The following AFF4 variants were observed in gnomAD, a reference collection of about 807,000 sequenced individuals.
The protein encoded by AFF4 is ALF transcription elongation factor 4.
A neutral mutation model predicts 124.8 loss-of-function variants in AFF4; 13 were observed. The ratio of observed to expected loss-of-function variants is 0.10; its 90% confidence interval spans 0.07 to 0.17. The LOEUF is 0.17. Ranked by LOEUF, AFF4 falls within the 10% of genes least tolerant of loss-of-function variation. The pLI is 1.00. For missense variants in AFF4, 1,092 were observed against 1,403.8 expected (o/e 0.78, Z 3.55); for synonymous variants, 477 against 496.1 (o/e 0.96, Z 0.51).
intron 6 of AFF4, 140 bp downstream of exon 6, chr5:132,904,228 G>GAAAAAA: frequency 1.9e-6 from 1 of 524,738 alleles, no homozygotes. Context: ...CTACACTCCA[G>GAAAAAA]AAAAAAAAAA....
At chr5:132,915,670 C>T (rs1760893013) in intron 5 of AFF4, among the ~76,000 whole-genome samples, 2 of 149,058 alleles carry the variant, frequency 1.3e-5, no homozygotes, top group South Asian at 4.2e-4. Flanking sequence ...CAGGTTCAAG[C>T]GATTCTCCTG....
At chr5:132,889,054 G>A (rs748049537) in intron 14 of AFF4, 25 bp downstream of exon 14, 2 of 1,577,590 alleles carry the variant, frequency 1.3e-6, no homozygotes, top group South Asian at 2.2e-5. Context: ...CTTAAATACA[G>A]ATACAAAAAA....
rs1411389335 is a variant in AFF4 at position 132,877,932 on chromosome 5, C to A, written c.*3127G>T. On this transcript the variant is annotated 3_prime_UTR_variant, in exon 21 of 21. Coordinates refer to ENST00000265343, the MANE Select transcript of AFF4 (RefSeq NM_014423.4). Reference sequence around the variant, plus strand: ...GCCTATGAATCCGCCACTGCCAGAGCTCCCAGAAACACAGGTGTCTGTGGG... The same window carrying A: ...GCCTATGAATCCGCCACTGCCAGAGATCCCAGAAACACAGGTGTCTGTGGG... 4.4e-6 allele frequency: 1 copy of A among 224,924 alleles called. No homozygotes were observed. The highest frequency in any genetic ancestry group is 8.9e-6 in the Non-Finnish European group (1 of 112,710). The allele number at this position is 224,924 out of a possible 1,614,324, so 13.9% of individuals were successfully genotyped here.
At chr5:132,892,941 G>A in intron 12 of AFF4, 89 bp downstream of exon 12, 1 of 1,238,814 alleles carries the variant, frequency 8.1e-7, no homozygotes. Flanking sequence ...TTACTAAAAG[G>A]AACACTCAGA....
chr5:132,915,209 C>T (rs1423384420), intron 5 of AFF4, among the ~76,000 whole-genome samples: 5 of 151,864 alleles, frequency 3.3e-5, no homozygotes, highest in South Asian at 2.1e-4. Flanking sequence ...GGCGTGGTGG[C>T]GCATGCCTGT....
intron 2 of AFF4, among the ~76,000 whole-genome samples, chr5:132,935,196 C>T (rs1435208297): frequency 1.3e-5 from 2 of 152,190 alleles, no homozygotes; most frequent in Non-Finnish European, 2.9e-5. Context: ...GCCTGTACTC[C>T]CAGCTACTCT....
chr5:132,938,941 CAAA>C (rs762784790), intron 1 of AFF4, among the ~76,000 whole-genome samples: 20 of 38,332 alleles, frequency 5.2e-4, no homozygotes, highest in East Asian at 2.0e-3. Flanking sequence ...AGACTCATCT[CAAA>C]AAAAAAAAAA....
intron 5 of AFF4, among the ~76,000 whole-genome samples, chr5:132,911,893 A>G (rs12657685): frequency 0.12 from 17,913 of 151,782 alleles, 1,888 homozygotes; most frequent in East Asian, 0.45. Flanking sequence ...GAATGACAAC[A>G]ATGTACATAT....
At chr5:132,915,415 C>A (rs922684534) in intron 5 of AFF4, among the ~76,000 whole-genome samples, 1 of 152,008 alleles carries the variant, frequency 6.6e-6, no homozygotes, top group Non-Finnish European at 1.5e-5. Context: ...GCAATTATTT[C>A]CCAATCCATT....
intron 5 of AFF4, among the ~76,000 whole-genome samples, chr5:132,913,749 C>G (rs1025468303): frequency 6.6e-6 from 1 of 152,160 alleles, no homozygotes; most frequent in African/African-American, 2.4e-5. Flanking sequence ...CTGGAATACA[C>G]ATTCTTTTCA....
At chr5:132,941,179 A>C (rs902219059) in intron 1 of AFF4, among the ~76,000 whole-genome samples, 1 of 152,120 alleles carries the variant, frequency 6.6e-6, no homozygotes, top group African/African-American at 2.4e-5. Context: ...AGATGAAATA[A>C]GTTTTCTCCA....
rs151257662 is a variant in AFF4, at chr5:132,927,617, C to T, written c.964-410G>A. The T allele has an allele frequency of 5.6e-3, 940 of 167,620 alleles. 9 individuals carry two copies. The highest frequency in any genetic ancestry group is 9.5e-3 in the Admixed American group (146 of 15,436). The allele number at this position is 167,620 out of a possible 1,614,324, so 10.4% of individuals were successfully genotyped here. A position where few individuals can be genotyped will look rare whatever the true frequency, so the allele number is the denominator to read the frequency against. On this transcript the variant is annotated intron_variant, in intron 4 of 20. Coordinates refer to ENST00000265343, the MANE Select transcript of AFF4 (RefSeq NM_014423.4). ...TGCTAAGTGTTTTACATGTTTATTA[C>T]TCATTTAGTACTCACAATGACATTA... is the stretch of plus-strand genomic sequence containing the variant.
intron 5 of AFF4, among the ~76,000 whole-genome samples, chr5:132,924,652 G>A (rs571437999): frequency 2.0e-5 from 3 of 151,612 alleles, no homozygotes; most frequent in East Asian, 1.9e-4. Flanking sequence ...TCAGGAGTTC[G>A]AGACCAGCCT....
rs770599923 is a variant in AFF4 at position 132,880,428 on chromosome 5, A to G, written c.*631T>C. ...TCATAGTACATACATGTAGAATGCC[A>G]TTTTCTCATATTTAAGTGATTTTTT... is the stretch of plus-strand genomic sequence containing the variant. On this transcript the variant is annotated 3_prime_UTR_variant, in exon 21 of 21. Transcript: ENST00000265343. 3 of 398,266 alleles carry G rather than the reference A, an allele frequency of 7.5e-6. No individual in the cohort carries two copies. The highest frequency in any genetic ancestry group is 4.4e-5 in the Admixed American group (1 of 22,706). The allele number at this position is 398,266 out of a possible 1,614,324, so 24.7% of individuals were successfully genotyped here. A position where few individuals can be genotyped will look rare whatever the true frequency, so the allele number is the denominator to read the frequency against.
At chr5:132,889,290 AATTT>A in intron 13 of AFF4, 117 bp from the exon 14 acceptor site, 1 of 670,292 alleles carries the variant, frequency 1.5e-6, no homozygotes, top group Non-Finnish European at 2.5e-6. Flanking sequence ...TTTCATAATG[AATTT>A]CCTTGTTACA....
chr5:132,936,253 C>G (rs10477745), intron 2 of AFF4, among the ~76,000 whole-genome samples: 49,828 of 119,776 alleles, frequency 0.42, 9,909 homozygotes, highest in East Asian at 0.63. Context: ...GGCGACAGAG[C>G]AAGACTCCGT....
rs566241744 is a variant in AFF4, at chr5:132,941,380, C to T, written c.-4-4187G>A. Among the ~76,000 whole-genome samples the T allele has an allele frequency of 1.1e-4, 16 of 152,166 alleles. No individual in the cohort carries two copies. In the South Asian group the frequency reaches 3.1e-3, roughly 30 times the overall value. On this transcript the variant is annotated intron_variant, in intron 1 of 20. Transcript: ENST00000265343. Reference sequence around the variant, plus strand: ...ACAGTGTCTCACTCTATCTCCCAGGCTGGAAAGCAGTGGCACAATCTCAGC... The same window carrying T: ...ACAGTGTCTCACTCTATCTCCCAGGTTGGAAAGCAGTGGCACAATCTCAGC...
intron 5 of AFF4, among the ~76,000 whole-genome samples, chr5:132,916,640 C>G (rs1027462232): frequency 6.6e-6 from 1 of 152,112 alleles, no homozygotes; most frequent in Non-Finnish European, 1.5e-5. Context: ...GGTTTCCTCT[C>G]ATCTCTTCGT....
chr5:132,887,757 C>T, intron 16 of AFF4, 89 bp downstream of exon 16: 4 of 1,543,428 alleles, frequency 2.6e-6, no homozygotes, highest in Middle Eastern at 1.7e-4. Flanking sequence ...GATTATACAC[C>T]CTCTTCAGTT....
Sources: allele counts gnomAD v4.1 joint callset (sites outside exome capture counted in the v4.1 genomes callset), GRCh38; gene constraint gnomAD v4.1.1; transcripts MANE v1.5; gene names NCBI Gene and HGNC (gene_info 2026-07-23, HGNC 2026-07-21).